The following SLC24A3 variants were observed in gnomAD, a reference collection of about 807,000 sequenced individuals.
SLC24A3 encodes solute carrier family 24 member 3.
Under a neutral mutation model 75.8 loss-of-function variants are expected in SLC24A3, and 28 were observed. That is an observed-to-expected ratio of 0.37 (90% CI 0.27 to 0.51). The LOEUF is 0.51. SLC24A3 is among the 20% of genes least tolerant of loss of function. SLC24A3 has a pLI of 0.94. For synonymous variants in SLC24A3, 372 were observed against 334.1 expected, an observed-to-expected ratio of 1.11 and a Z score of -1.24; for missense variants, 663 against 847.8, an observed-to-expected ratio of 0.78 and a Z score of 2.71.
chr20:19,400,027 T>C (rs776731485), intron 2 of SLC24A3, among the ~76,000 whole-genome samples: 23 of 152,244 alleles, frequency 1.5e-4, no homozygotes, highest in Non-Finnish European at 2.9e-4. Flanking sequence ...CTTCCATGTC[T>C]CTACGTAACT....
chr20:19,436,516 G>A (rs1191805208), intron 2 of SLC24A3, among the ~76,000 whole-genome samples: 2 of 152,202 alleles, frequency 1.3e-5, no homozygotes, highest in African/African-American at 4.8e-5. Context: ...TTTCTGGCTG[G>A]ATGCTCCCAG....
intron 13 of SLC24A3, 137 bp downstream of exon 13, chr20:19,693,562 C>CTACTAAGT: frequency 3.5e-6 from 4 of 1,130,132 alleles, no homozygotes; most frequent in Non-Finnish European, 3.6e-6. Flanking sequence ...CACTCCTAAA[C>CTACTAAGT]TTAGTAGTTT....
At chr20:19,520,666 T>C (rs1224233422) in intron 3 of SLC24A3, among the ~76,000 whole-genome samples, 1 of 152,170 alleles carries the variant, frequency 6.6e-6, no homozygotes, top group African/African-American at 2.4e-5. Context: ...ACATCACTCC[T>C]TTTGGTGTCT....
chr20:19,282,321 A>G (rs953197894), intron 2 of SLC24A3, among the ~76,000 whole-genome samples: 7 of 152,230 alleles, frequency 4.6e-5, no homozygotes, highest in Non-Finnish European at 8.8e-5. Flanking sequence ...AACAAACAAA[A>G]AAAATACCCT....
At chr20:19,506,016 G>GCAT (rs2122547528) in intron 2 of SLC24A3, among the ~76,000 whole-genome samples, 1 of 152,260 alleles carries the variant, frequency 6.6e-6, no homozygotes, top group African/African-American at 2.4e-5. Context: ...TATTTCATAA[G>GCAT]CATCATCATC....
At chr20:19,717,648 G>T (rs1423197984) in intron 16 of SLC24A3, 55 bp downstream of exon 16, 2 of 1,605,490 alleles carry the variant, frequency 1.2e-6, no homozygotes, top group African/African-American at 2.7e-5. Flanking sequence ...TCCTCCCCTT[G>T]GTTTCTTTGG....
intron 6 of SLC24A3, among the ~76,000 whole-genome samples, chr20:19,619,017 G>T (rs2031771963): frequency 6.6e-6 from 1 of 152,126 alleles, no homozygotes; most frequent in African/African-American, 2.4e-5. Context: ...ACCCCACTTT[G>T]CTCCCCGAGT....
In SLC24A3 at chr20:19,374,214, C is replaced by T. The variant is rs79913375; in HGVS notation, c.271+93127C>T. On this transcript the variant is annotated intron_variant, in intron 2 of 16. Transcript: ENST00000328041. The stretch of plus-strand genomic sequence containing the variant: ...TTCCCAGTTCCTCTGCTTACCTGAC[C>T]CTTAGATATAACTCAAATATCACCA... 2.5e-3 allele frequency among the ~76,000 whole-genome samples: 383 copies of T among 152,214 alleles called. 12 individuals are homozygous for T. In the East Asian group the frequency reaches 0.055, roughly 22 times the overall value.
chr20:19,469,659 G>A (rs776676848), intron 2 of SLC24A3, among the ~76,000 whole-genome samples: 93 of 152,292 alleles, frequency 6.1e-4, no homozygotes, highest in South Asian at 1.7e-3. Context: ...CTCCACCTCA[G>A]CTCACTGATT....
intron 2 of SLC24A3, among the ~76,000 whole-genome samples, chr20:19,341,877 G>A (rs938274485): frequency 2.6e-5 from 4 of 152,140 alleles, no homozygotes; most frequent in Non-Finnish European, 1.5e-5. Flanking sequence ...GCCAGCTGCT[G>A]TGTCCTTGTC....
chr20:19,619,332 C>T (rs2031775605), intron 6 of SLC24A3, among the ~76,000 whole-genome samples: 1 of 152,144 alleles, frequency 6.6e-6, no homozygotes, highest in African/African-American at 2.4e-5. Flanking sequence ...GCTGAAGAGA[C>T]CATACATGGA....
chr20:19,468,725 T>G (rs973703009), intron 2 of SLC24A3, among the ~76,000 whole-genome samples: 1 of 152,206 alleles, frequency 6.6e-6, no homozygotes, highest in African/African-American at 2.4e-5. Flanking sequence ...GCTTGTTGTC[T>G]TCTCTGGCCA....
At chr20:19,271,158 T>G (rs1296430212) in intron 1 of SLC24A3, among the ~76,000 whole-genome samples, 2 of 152,142 alleles carry the variant, frequency 1.3e-5, no homozygotes, top group Non-Finnish European at 2.9e-5. Flanking sequence ...GATAGGGATG[T>G]TCTGAAAAGA....
intron 8 of SLC24A3, 135 bp downstream of exon 8, chr20:19,666,024 C>A (rs2032395277): frequency 3.2e-6 from 3 of 935,554 alleles, no homozygotes; most frequent in African/African-American, 1.7e-5. Context: ...TTCCTAGGAA[C>A]CCTCTGCACA....
chr20:19,455,847 A>G (rs1987569438), intron 2 of SLC24A3, among the ~76,000 whole-genome samples: 1 of 152,228 alleles, frequency 6.6e-6, no homozygotes, highest in Non-Finnish European at 1.5e-5. Context: ...AAATAATTAG[A>G]ACTACTTGGT....
At chr20:19,558,232 A>C (rs567550843) in intron 3 of SLC24A3, among the ~76,000 whole-genome samples, 1 of 152,010 alleles carries the variant, frequency 6.6e-6, no homozygotes, top group Non-Finnish European at 1.5e-5. Flanking sequence ...ATTTTTATAA[A>C]CTTTTTATTT....
intron 7 of SLC24A3, among the ~76,000 whole-genome samples, chr20:19,659,625 T>G (rs1160109801): frequency 6.6e-6 from 1 of 152,218 alleles, no homozygotes; most frequent in Non-Finnish European, 1.5e-5. Context: ...ATTTTGTGAG[T>G]CCCACGTTAG....
rs985695534 is a variant in SLC24A3, at chr20:19,663,300, C to T, written c.688-2564C>T. 2.0e-5 allele frequency among the ~76,000 whole-genome samples: 3 copies of T among 149,886 alleles called. No homozygotes were observed. In the Admixed American group the frequency reaches 2.0e-4, roughly 10 times the overall value. The stretch of plus-strand genomic sequence containing the variant: ...TCATTTCATTGTTCTTTTCTGAGTC[C>T]TCTCATTCCTCCACACAGTCCTCTC... On this transcript the variant is annotated intron_variant, in intron 7 of 16. Coordinates refer to ENST00000328041, the MANE Select transcript of SLC24A3 (RefSeq NM_020689.4).
intron 2 of SLC24A3, among the ~76,000 whole-genome samples, chr20:19,324,249 A>C (rs1984787487): frequency 6.6e-6 from 1 of 152,202 alleles, no homozygotes; most frequent in African/African-American, 2.4e-5. Context: ...GGCAAGTTTG[A>C]CTGTCCCTTC....
Sources: allele counts gnomAD v4.1 joint callset (sites outside exome capture counted in the v4.1 genomes callset), GRCh38; gene constraint gnomAD v4.1.1; transcripts MANE v1.5; gene names NCBI Gene and HGNC (gene_info 2026-07-23, HGNC 2026-07-21).